NBPF12: variants seen among roughly 807,000 people sequenced by gnomAD.
The protein encoded by NBPF12 is NBPF family member NBPF12.
Under a neutral mutation model 146.4 loss-of-function variants are expected in NBPF12, and 115 were observed. The observed-to-expected ratio is 0.79, with a 90% CI of 0.68 to 0.92. The LOEUF (loss-of-function observed/expected upper bound fraction) is 0.92. NBPF12 is among the 40% of genes least tolerant of loss of function. NBPF12 has a pLI of 0.00. For missense variants in NBPF12, 1,205 were observed against 1,326.8 expected (o/e 0.91, Z 1.43); for synonymous variants, 385 against 508.9 (o/e 0.76, Z 3.28).
chr1:146,972,919 C>G, exon 14 of NBPF12: 1 of 982,382 alleles, frequency 1.0e-6, no homozygotes, highest in South Asian at 1.3e-5. Flanking sequence ...TGTTTTGTAA[C>G]TCAAGTGGCC....
exon 34 of NBPF12, chr1:146,994,456 T>G (rs1553890070): frequency 6.2e-7 from 1 of 1,611,608 alleles, no homozygotes; most frequent in South Asian, 1.1e-5. Context: ...CAGAAGTGTG[T>G]TTTACTCATT....
At chr1:146,970,573 C>G in intron 11 of NBPF12, 74 bp from the exon 15 acceptor site, 3 of 1,543,270 alleles carry the variant, frequency 1.9e-6, no homozygotes, top group South Asian at 1.1e-5. Context: ...GTTCATGTCT[C>G]TGTGCACGTT....
exon 34 of NBPF12, chr1:146,995,056 A>G (rs1241557791): frequency 5.3e-5 from 9 of 169,688 alleles, no homozygotes; most frequent in Non-Finnish European, 1.1e-4. Context: ...TGAGGATTGT[A>G]TTTCAGAACC....
chr1:146,974,090 C>G (rs1308172404), intron 14 of NBPF12, among the ~76,000 whole-genome samples: 1 of 150,538 alleles, frequency 6.6e-6, no homozygotes, highest in African/African-American at 2.5e-5. Flanking sequence ...TGTCAATCTC[C>G]TAGAACATTT....
At chr1:146,953,612 A>G (rs1431688835) in intron 2 of NBPF12, among the ~76,000 whole-genome samples, 1 of 144,276 alleles carries the variant, frequency 6.9e-6, no homozygotes, top group Non-Finnish European at 1.5e-5. Context: ...GGCAAAATTG[A>G]AAACTTTTTT....
At chr1:146,954,954 C>A (rs1655509121) in intron 2 of NBPF12, among the ~76,000 whole-genome samples, 1 of 96,194 alleles carries the variant, frequency 1.0e-5, no homozygotes, top group East Asian at 3.2e-4. Flanking sequence ...TGAAGATTAT[C>A]ATCTCCAAAT....
exon 13 of NBPF12, chr1:146,971,256 A>T: frequency 6.2e-7 from 1 of 1,612,452 alleles, no homozygotes; most frequent in Non-Finnish European, 8.5e-7. Context: ...TTGTTCAAAT[A>T]GCCACGGCCC....
chr1:146,994,517 C>A (rs1400972903), exon 34 of NBPF12: 3 of 1,609,594 alleles, frequency 1.9e-6, no homozygotes, highest in African/African-American at 2.7e-5. Flanking sequence ...AGCTTTTTTA[C>A]TTTGACGGTG....
intron 16 of NBPF12, among the ~76,000 whole-genome samples, chr1:146,976,668 G>T (rs1339143329): frequency 6.6e-6 from 1 of 151,690 alleles, no homozygotes; most frequent in Non-Finnish European, 1.5e-5. Context: ...GAGAGAGGCT[G>T]CACAAGCCTC....
intron 18 of NBPF12, among the ~76,000 whole-genome samples, chr1:146,978,193 G>T (rs1233002795): frequency 2.0e-5 from 3 of 150,364 alleles, no homozygotes; most frequent in Non-Finnish European, 4.4e-5. Flanking sequence ...CATAAAGCAA[G>T]GCTGGACCCT....
upstream of NBPF12, among the ~76,000 whole-genome samples, chr1:146,949,141 G>A (rs1224980134): frequency 8.7e-6 from 1 of 114,926 alleles, no homozygotes; most frequent in Non-Finnish European, 1.9e-5. Flanking sequence ...GTGCCGGCAT[G>A]GGTCCTCCGG....
At position 146,972,696 on chromosome 1, in the gene NBPF12, C is replaced by G. The variant is rs1656733984; in HGVS notation, c.1592-55C>G. The G allele has an allele frequency of 2.2e-6, 3 of 1,347,584 alleles. No individual in the cohort carries two copies. In the South Asian group the frequency reaches 3.5e-5, roughly 16 times the overall value. The allele number at this position is 1,347,584 out of a possible 1,614,324, so 83.5% of individuals were successfully genotyped here. On this transcript the variant is annotated intron_variant, in intron 13 of 33. Transcript: ENST00000617844. ...TGACATCCCTCAGTCCTGATTAAGC[C>G]TATTTCATTTCATCAGTTTTTAACC...
rs71241711 is a variant in NBPF12 at position 146,970,956 on chromosome 1, T to G, written c.1380-227T>G. 1.1e-4 allele frequency among the ~76,000 whole-genome samples: 17 copies of G among 149,920 alleles called. 1 individual carries two copies. The highest frequency in any genetic ancestry group is 3.9e-4 in the East Asian group (2 of 5,142). On this transcript the variant is annotated intron_variant, in intron 12 of 33. Transcript: ENST00000617844. The stretch of plus-strand genomic sequence containing the variant: ...AGTCTTCATCCTCCTCAGCTCCTAT[T>G]TGTCCAGTGCACTGAACACCAGCTG...
chr1:146,949,097 A>G (rs1655209647), upstream of NBPF12, among the ~76,000 whole-genome samples: 1 of 152,138 alleles, frequency 6.6e-6, no homozygotes, highest in Non-Finnish European at 1.5e-5. Flanking sequence ...ACGCCCGATA[A>G]TGATCAATAA....
intron 2 of NBPF12, among the ~76,000 whole-genome samples, chr1:146,953,077 A>G (rs1183304723): frequency 1.3e-5 from 2 of 149,518 alleles, no homozygotes; most frequent in African/African-American, 5.0e-5. Flanking sequence ...GCTGGAGGTC[A>G]TGGCGGGAGA....
In NBPF12 at chr1:146,950,383, G is replaced by T. The variant is rs1284964176; in HGVS notation, c.-326+961G>T. 2.6e-5 allele frequency among the ~76,000 whole-genome samples: 4 copies of T among 152,088 alleles called. 1 individual carries two copies. Among genetic ancestry groups the T allele is most frequent in the African/African-American group, 9.7e-5 (4 of 41,342 alleles). Reference sequence around the variant, plus strand: ...AGCTTATCTGTCCCTAATGTGAAATGATGGGACAGACATAGAATAACAACT... The same window carrying T: ...AGCTTATCTGTCCCTAATGTGAAATTATGGGACAGACATAGAATAACAACT... On this transcript the variant is annotated intron_variant, in intron 1 of 33. Coordinates refer to ENST00000617844, the Ensembl canonical transcript of NBPF12.
chr1:146,971,207 C>A, exon 13 of NBPF12: 1 of 1,611,738 alleles, frequency 6.2e-7, no homozygotes, highest in Non-Finnish European at 8.5e-7. Flanking sequence ...CTGAAGAAAG[C>A]AAAGTCCCTG....
exon 22 of NBPF12, chr1:146,984,825 G>A (rs1490469351): frequency 1.3e-6 from 2 of 1,514,648 alleles, no homozygotes; most frequent in South Asian, 1.1e-5. Context: ...TCAGCAGGGA[G>A]CTGCTGGCTG....
At chr1:146,994,597 G>C in exon 34 of NBPF12, 2 of 1,593,222 alleles carry the variant, frequency 1.3e-6, no homozygotes, top group South Asian at 1.1e-5. Flanking sequence ...TAAGCCGAGA[G>C]GTTTCATTCC....
Sources: gnomAD v4.1 joint callset for allele counts (sites outside exome capture counted in the v4.1 genomes callset) on GRCh38, gnomAD v4.1.1 for gene constraint, MANE v1.5 for transcripts, NCBI Gene and HGNC (gene_info 2026-07-23, HGNC 2026-07-21) for gene names.